DNAH9: variants seen among roughly 807,000 people sequenced by gnomAD.
DNAH9 encodes the protein DNAH9 variant protein.
In DNAH9, 345 loss-of-function variants were observed where a neutral mutation model predicts 471.6. The ratio of observed to expected loss-of-function variants is 0.73; its 90% confidence interval spans 0.67 to 0.80. The LOEUF (loss-of-function observed/expected upper bound fraction) is 0.80. Ranked by LOEUF, DNAH9 falls within the 30% of genes least tolerant of loss-of-function variation. The pLI is 0.00. For synonymous variants in DNAH9, 2,093 were observed against 2,123.6 expected, an observed-to-expected ratio of 0.99 and a Z score of 0.40; for missense variants, 5,407 against 5,609.2, an observed-to-expected ratio of 0.96 and a Z score of 1.15.
intron 26 of DNAH9, among the ~76,000 whole-genome samples, chr17:11,708,746 A>G (rs2074776529): frequency 6.6e-6 from 1 of 152,112 alleles, no homozygotes; most frequent in South Asian, 2.1e-4. Context: ...ATATAAGCTA[A>G]TAGTTTGGGA....
chr17:11,740,937 T>C (rs1402015660), intron 29 of DNAH9, among the ~76,000 whole-genome samples: 1 of 151,998 alleles, frequency 6.6e-6, no homozygotes, highest in Non-Finnish European at 1.5e-5. Flanking sequence ...AAAATTGGGA[T>C]CAGACTATAT....
chr17:11,914,989 C>T (rs1973895407), intron 61 of DNAH9, among the ~76,000 whole-genome samples: 1 of 152,162 alleles, frequency 6.6e-6, no homozygotes, highest in Admixed American at 6.6e-5. Context: ...CCTCTTCCAC[C>T]ACCCACACCA....
chr17:11,898,193 C>T (rs936968666), intron 59 of DNAH9, among the ~76,000 whole-genome samples: 4 of 151,548 alleles, frequency 2.6e-5, no homozygotes, highest in Admixed American at 6.6e-5. Flanking sequence ...GGCGAAATCT[C>T]GGCTCACTGC....
rs544541566 is a variant in DNAH9, at chr17:11,639,833, C to T, written c.1787-437C>T. ...CCTGATCAATATGGTGAAACCCCATCTCTACTACAAATACGAAAATTAGCC... is the reference window on the plus strand; with the variant it reads ...CCTGATCAATATGGTGAAACCCCATTTCTACTACAAATACGAAAATTAGCC... On this transcript the variant is annotated intron_variant, in intron 9 of 68. Coordinates refer to ENST00000262442, the MANE Select transcript of DNAH9 (RefSeq NM_001372.4). Among the ~76,000 whole-genome samples the T allele has an allele frequency of 2.0e-5, 3 of 152,304 alleles. No homozygotes were observed. In the East Asian group the frequency reaches 5.8e-4, roughly 29 times the overall value.
chr17:11,783,402 C>G (rs529388876), intron 39 of DNAH9, among the ~76,000 whole-genome samples: 2 of 152,316 alleles, frequency 1.3e-5, no homozygotes, highest in East Asian at 3.9e-4. Context: ...GCACGAACCC[C>G]TGATTTTTCT....
intron 14 of DNAH9, among the ~76,000 whole-genome samples, chr17:11,657,219 C>A (rs2073668612): frequency 6.6e-6 from 1 of 152,112 alleles, no homozygotes; most frequent in African/African-American, 2.4e-5. Flanking sequence ...ACTTCTTCAC[C>A]AAATTGTGGG....
intron 28 of DNAH9, among the ~76,000 whole-genome samples, chr17:11,731,117 T>A (rs550160620): frequency 7.5e-6 from 1 of 133,032 alleles, no homozygotes; most frequent in East Asian, 2.3e-4. Flanking sequence ...ATGATGGTGG[T>A]GGCAGTGATG....
intron 1 of DNAH9, among the ~76,000 whole-genome samples, chr17:11,600,553 GACAA>G (rs1255191285): frequency 2.6e-5 from 4 of 152,102 alleles, no homozygotes; most frequent in South Asian, 2.1e-4. Context: ...AGAGATTGGA[GACAA>G]ACAATGTTCA....
intron 28 of DNAH9, among the ~76,000 whole-genome samples, chr17:11,737,236 C>A (rs563237031): frequency 6.6e-6 from 1 of 152,370 alleles, no homozygotes; most frequent in South Asian, 2.1e-4. Context: ...GGGAAGGGAG[C>A]TGAATCCTAA....
In DNAH9 at chr17:11,739,053, G is replaced by GC; in HGVS notation, c.5972+20dup. 4 of 1,557,710 alleles carry GC rather than the reference G, an allele frequency of 2.6e-6. No individual in the cohort carries two copies. The highest frequency in any genetic ancestry group is 3.5e-6 in the Non-Finnish European group (4 of 1,145,392). ...CTCTCTTCAGGTGAGTGTCAGTTCT[G>GC]CCCCATGCAAAAGCCCCAAAAGAGA... On this transcript the variant is annotated intron_variant, in intron 29 of 68. Transcript: ENST00000262442.
intron 67 of DNAH9, among the ~76,000 whole-genome samples, chr17:11,954,400 C>G (rs139257555): frequency 7.5e-4 from 113 of 151,638 alleles, no homozygotes; most frequent in Middle Eastern, 3.4e-3. Context: ...ACTGCTGAAA[C>G]CAGGGATAAA....
intron 66 of DNAH9, among the ~76,000 whole-genome samples, chr17:11,938,783 G>A (rs551374781): frequency 6.6e-6 from 1 of 152,164 alleles, no homozygotes; most frequent in South Asian, 2.1e-4. Flanking sequence ...ACTTTTTGTA[G>A]AGACAGGGTC....
At position 11,947,772 on chromosome 17, in the gene DNAH9, A is replaced by AATTTTTTT. The variant is rs1555528615; in HGVS notation, c.12843+5287_12843+5288insATTTTTTT. Among the ~76,000 whole-genome samples, 8 of 108,344 alleles carry AATTTTTTT rather than the reference A, an allele frequency of 7.4e-5. 1 individual carries two copies. The highest frequency in any genetic ancestry group is 8.9e-5 in the Non-Finnish European group (5 of 56,146). The allele number at this position is 108,344 out of a possible 152,430, so 71.1% of individuals were successfully genotyped here. On this transcript the variant is annotated intron_variant, in intron 67 of 68. Coordinates refer to ENST00000262442, the MANE Select transcript of DNAH9 (RefSeq NM_001372.4). ...CAGAATCTGGGAGGGGCTGGGAACT[A>AATTTTTTT]TTTTTTTTTTTTTTTTTTTTTTTTT...
At position 11,868,688 on chromosome 17, in the gene DNAH9, C is replaced by T. The variant is rs376414037; in HGVS notation, c.9934-446C>T. ...CTGTTGACCTTTTTCATGCTAACCCCAGTTTTGATGTGTTCTTGCTTCTAA... is the reference window on the plus strand; with the variant it reads ...CTGTTGACCTTTTTCATGCTAACCCTAGTTTTGATGTGTTCTTGCTTCTAA... On this transcript the variant is annotated intron_variant, in intron 50 of 68. Transcript: ENST00000262442. 2.6e-4 allele frequency among the ~76,000 whole-genome samples: 40 copies of T among 152,110 alleles called. No homozygotes were observed. The South Asian group carries it at 3.3e-3, about 13-fold the overall frequency.
At chr17:11,850,882 G>T (rs1343391259) in intron 49 of DNAH9, among the ~76,000 whole-genome samples, 2 of 152,092 alleles carry the variant, frequency 1.3e-5, no homozygotes, top group Non-Finnish European at 1.5e-5. Context: ...AATTTCTTCT[G>T]TTCTGGACAC....
chr17:11,697,837 C>T (rs2074503019), intron 22 of DNAH9, among the ~76,000 whole-genome samples: 1 of 151,838 alleles, frequency 6.6e-6, no homozygotes, highest in South Asian at 2.1e-4. Flanking sequence ...ATAAACTGTA[C>T]TCTGTCATTG....
rs796264863 is a variant in DNAH9 at position 11,654,127 on chromosome 17, G to A, written c.2595+1125G>A. 4.5e-5 allele frequency among the ~76,000 whole-genome samples: 3 copies of A among 66,844 alleles called. 1 individual carries two copies. The highest frequency in any genetic ancestry group is 7.3e-5 in the Non-Finnish European group (2 of 27,450). 43.9% of individuals were successfully genotyped at this position (66,844 alleles called of 152,430 possible). A position where few individuals can be genotyped will look rare whatever the true frequency, so the allele number is the denominator to read the frequency against. ...TCCCAGCACTTTGGGAGGCCGAGGC[G>A]GGCGGATCACGAGGTCAGGAGATCG... On this transcript the variant is annotated intron_variant, in intron 14 of 68. Coordinates refer to ENST00000262442, the MANE Select transcript of DNAH9 (RefSeq NM_001372.4).
intron 36 of DNAH9, among the ~76,000 whole-genome samples, chr17:11,763,981 G>C (rs73294539): frequency 7.2e-4 from 109 of 152,282 alleles, no homozygotes; most frequent in African/African-American, 2.5e-3. Flanking sequence ...GTGGAAGCTT[G>C]AGTGGAAGGA....
Position 11,926,304 on chromosome 17 carries a change from T to C in DNAH9, c.11877+2363T>C, listed in dbSNP as rs189710544. ...ACATGTGCAGGATGTGCAGGTTTGT[T>C]CCATAGGTAAACATATGCCATGGTG... On this transcript the variant is annotated intron_variant, in intron 62 of 68. Coordinates refer to ENST00000262442, the MANE Select transcript of DNAH9 (RefSeq NM_001372.4). Among the ~76,000 whole-genome samples the C allele has an allele frequency of 8.7e-4, 132 of 152,260 alleles. 1 individual carries two copies. The highest frequency in any genetic ancestry group is 2.7e-3 in the Admixed American group (42 of 15,288).
Sources: allele counts gnomAD v4.1 joint callset (sites outside exome capture counted in the v4.1 genomes callset), GRCh38; gene constraint gnomAD v4.1.1; transcripts MANE v1.5; gene names NCBI Gene and HGNC (gene_info 2026-07-23, HGNC 2026-07-21).